KIAA0319L: variants seen among roughly 807,000 people sequenced by gnomAD.
KIAA0319L encodes dyslexia-associated protein KIAA0319-like protein.
In KIAA0319L, 55 loss-of-function variants were observed where a neutral mutation model predicts 120.1. The observed-to-expected ratio is 0.46, with a 90% confidence interval of 0.37 to 0.57. The LOEUF (loss-of-function observed/expected upper bound fraction) is 0.57, where lower values mean the gene tolerates loss of function less well. Among genes scored for constraint, KIAA0319L ranks in the 20% least tolerant of loss-of-function variants. KIAA0319L has a pLI of 0.00. For missense variants in KIAA0319L, 1,049 were observed against 1,255.3 expected, an observed-to-expected ratio of 0.84 and a Z score of 2.48; for synonymous variants, 398 against 471.9, an observed-to-expected ratio of 0.84 and a Z score of 2.03.
At chr1:35,503,938 T>C (rs1251764259) in intron 3 of KIAA0319L, among the ~76,000 whole-genome samples, 1 of 150,284 alleles carries the variant, frequency 6.7e-6, no homozygotes, top group East Asian at 1.9e-4. Flanking sequence ...CAGGCTGGAG[T>C]GCAGTGGTGC....
At chr1:35,520,387 T>G (rs960037946) in intron 2 of KIAA0319L, among the ~76,000 whole-genome samples, 1 of 152,082 alleles carries the variant, frequency 6.6e-6, no homozygotes, top group Admixed American at 6.6e-5. Context: ...CATAAGCCAC[T>G]GCACCCGGCC....
At chr1:35,556,124 A>C (rs896845905) in intron 1 of KIAA0319L, among the ~76,000 whole-genome samples, 22 of 152,142 alleles carry the variant, frequency 1.4e-4, no homozygotes, top group African/African-American at 5.3e-4. Context: ...GAGAACACAC[A>C]CCCCCACAAT....
intron 8 of KIAA0319L, among the ~76,000 whole-genome samples, chr1:35,461,678 A>G (rs1394890779): frequency 6.6e-6 from 1 of 152,198 alleles, no homozygotes; most frequent in African/African-American, 2.4e-5. Context: ...GGATAGTATG[A>G]TTCTTTTCAC....
intron 10 of KIAA0319L, chr1:35,454,687 A>G: frequency 7.6e-7 from 1 of 1,317,946 alleles, no homozygotes; most frequent in South Asian, 1.9e-5. Context: ...CTTCAAGGAA[A>G]CAACCCTCTC....
rs376111599 is a variant in KIAA0319L at position 35,554,479 on chromosome 1, G to T, written c.13C>A (p.Leu5Met). 3 of 1,610,352 alleles carry T rather than the reference G, an allele frequency of 1.9e-6. No homozygotes were observed. The highest frequency in any genetic ancestry group is 2.5e-6 in the Non-Finnish European group (3 of 1,179,014). MEKRLGVKPNPASWI... is the reference protein window; with the variant it reads MEKRMGVKPNPASWI... ...GAAGCAGGATTTGGCTTGACTCCCA[G>T]CCTCTTCTCCATGGCCCTCCAGACA... is the stretch of plus-strand genomic sequence containing the variant. The change falls in exon 2 of 21, where the codon CTG becomes ATG. Residue 5 changes from leucine (L) to methionine (M), a missense_variant. Physicochemically the swap from Leu to Met is conservative, Grantham distance 15. Coordinates refer to ENST00000325722, the MANE Select transcript of KIAA0319L (RefSeq NM_024874.5).
intron 2 of KIAA0319L, among the ~76,000 whole-genome samples, chr1:35,514,277 G>A (rs1423423454): frequency 6.6e-6 from 1 of 151,820 alleles, no homozygotes; most frequent in Admixed American, 6.6e-5. Context: ...GTCTATAAAT[G>A]GGCAAGAGAT....
At chr1:35,474,777 G>T in intron 5 of KIAA0319L, 28 bp downstream of exon 5, 1 of 1,372,148 alleles carries the variant, frequency 7.3e-7, no homozygotes, top group South Asian at 1.2e-5. Flanking sequence ...AACAAAAAAC[G>T]GTTATCCAAA....
Position 35,554,503 on chromosome 1 carries a change from C to G in KIAA0319L, c.-12G>C. The G allele has an allele frequency of 2.5e-6, 4 of 1,590,998 alleles. No individual in the cohort carries two copies. The highest frequency in any genetic ancestry group is 3.4e-6 in the Non-Finnish European group (4 of 1,172,302). ...AGCCTCTTCTCCATGGCCCTCCAGA[C>G]AGGCAGAACCAGTACACTAGAAGGA... On this transcript the variant is annotated 5_prime_UTR_variant, in exon 2 of 21. Transcript: ENST00000325722.
chr1:35,476,534 C>T (rs1307667562), intron 4 of KIAA0319L, among the ~76,000 whole-genome samples: 2 of 152,052 alleles, frequency 1.3e-5, no homozygotes, highest in Non-Finnish European at 2.9e-5. Flanking sequence ...ATGAAACCAT[C>T]CTTAATGGAA....
At chr1:35,557,492 T>C (rs1434074955), upstream of KIAA0319L, 2 of 357,170 alleles carry the variant, frequency 5.6e-6, no homozygotes, top group Admixed American at 3.7e-5. Flanking sequence ...GGAAGGGCAA[T>C]GCCGGCCGCG....
intron 3 of KIAA0319L, among the ~76,000 whole-genome samples, chr1:35,494,596 A>AG (rs1644727399): frequency 1.3e-5 from 2 of 151,806 alleles, no homozygotes; most frequent in Non-Finnish European, 2.9e-5. Flanking sequence ...GGAGTTTGAG[A>AG]CCAGCCTGCG....
chr1:35,518,983 A>T (rs1645799601), intron 2 of KIAA0319L, among the ~76,000 whole-genome samples: 1 of 151,784 alleles, frequency 6.6e-6, no homozygotes. Flanking sequence ...GTCTCAAAAA[A>T]AAAAAAAAAA....
chr1:35,529,773 A>G (rs185023044), intron 2 of KIAA0319L, among the ~76,000 whole-genome samples: 39 of 152,216 alleles, frequency 2.6e-4, no homozygotes, highest in African/African-American at 8.7e-4. Context: ...TTTGACTATC[A>G]TGTGCCAAGG....
intron 2 of KIAA0319L, among the ~76,000 whole-genome samples, chr1:35,517,073 T>C (rs1364206089): frequency 6.6e-6 from 1 of 151,880 alleles, no homozygotes; most frequent in Admixed American, 6.6e-5. Context: ...CACAAATAAA[T>C]GGAAAAACAT....
At position 35,437,260 on chromosome 1, in the gene KIAA0319L, C is replaced by T. The variant is rs1232311311; in HGVS notation, c.2963-2179G>A. Among the ~76,000 whole-genome samples, 5 of 152,188 alleles carry T rather than the reference C, an allele frequency of 3.3e-5. No individual in the cohort carries two copies. The highest frequency in any genetic ancestry group is 1.9e-4 in the East Asian group (1 of 5,192). On this transcript the variant is annotated intron_variant, in intron 20 of 20. Transcript: ENST00000325722. This position sits in a 1 kb window ranked among gnomAD's most constrained non-coding sequence, Gnocchi z 4.1. ...GGCACTTCTCCGGGCCATCACCGCC[C>T]GTTTCTCCCCTCCTGCCTCAGAAGA...
chr1:35,441,388 G>A (rs1369732324), intron 19 of KIAA0319L, among the ~76,000 whole-genome samples: 1 of 152,156 alleles, frequency 6.6e-6, no homozygotes, highest in African/African-American at 2.4e-5. Context: ...GGGCAATGAA[G>A]GACAGATTGG....
At chr1:35,516,591 A>G (rs1645689549) in intron 2 of KIAA0319L, among the ~76,000 whole-genome samples, 1 of 152,172 alleles carries the variant, frequency 6.6e-6, no homozygotes, top group African/African-American at 2.4e-5. Flanking sequence ...CACAGCCAAC[A>G]AACATCATAC....
At chr1:35,451,439 A>G (rs572060100) in intron 13 of KIAA0319L, among the ~76,000 whole-genome samples, 189 bp downstream of exon 13, 1 of 152,294 alleles carries the variant, frequency 6.6e-6, no homozygotes, top group East Asian at 1.9e-4. Flanking sequence ...GGAGGGAGGG[A>G]AGTTAAAATT....
At chr1:35,498,498 A>G (rs914849660) in intron 3 of KIAA0319L, among the ~76,000 whole-genome samples, 2 of 152,242 alleles carry the variant, frequency 1.3e-5, no homozygotes, top group African/African-American at 4.8e-5. Context: ...ATTCTTATTC[A>G]TAATGATGAA....
Sources: gnomAD v4.1 joint callset for allele counts (sites outside exome capture counted in the v4.1 genomes callset) on GRCh38, gnomAD v4.1.1 for gene constraint, Gnocchi (gnomAD v3.1) non-coding constraint, MANE v1.5 for transcripts, NCBI Gene and HGNC (gene_info 2026-07-23, HGNC 2026-07-21) for gene names.